The following TMEM114 variants were observed in gnomAD, a reference collection of about 807,000 sequenced individuals.
The protein encoded by TMEM114 is claudin-26.
A neutral mutation model predicts 6.2 loss-of-function variants in TMEM114; 6 were observed. That is an observed-to-expected ratio of 0.97 (90% CI 0.53 to 1.91). The LOEUF is 1.91. Among genes scored for constraint, TMEM114 ranks in the 40% most tolerant of loss-of-function variants. The pLI is 0.01. For missense variants in TMEM114, 218 were observed against 158.3 expected (o/e 1.38, Z -2.02); for synonymous variants, 104 against 73.0 (o/e 1.42, Z -2.16).
At position 8,569,528 on chromosome 16, in the gene TMEM114, G is replaced by A. The variant is rs1414084398; in HGVS notation, c.*245C>T. 3.6e-6 allele frequency: 5 copies of A among 1,388,008 alleles called. No homozygotes were observed. The highest frequency in any genetic ancestry group is 1.7e-5 in the South Asian group (1 of 57,582). 86.0% of individuals were successfully genotyped at this position (1,388,008 alleles called of 1,614,324 possible). ...GATTAAAGGATCGTTTTTATTTCTC[G>A]CGAAGCGGTTTGGCACTCCCTCGGG... On this transcript the variant is annotated 3_prime_UTR_variant, in exon 4 of 4. Coordinates refer to ENST00000620492, the MANE Select transcript of TMEM114 (RefSeq NM_001146336.2).
the TMEM114 span, among the ~76,000 whole-genome samples, chr16:8,529,483 G>C: frequency 6.6e-6 from 1 of 152,278 alleles, no homozygotes; most frequent in African/African-American, 2.4e-5. Flanking sequence ...AGTGGACAGG[G>C]AGTGTTTCTA....
Position 8,589,631 on chromosome 16 carries a change from G to T in TMEM114, c.208C>A (p.Arg70=), listed in dbSNP as rs1393417698. 7 of 398,390 alleles carry T rather than the reference G, an allele frequency of 1.8e-5. No individual in the cohort carries two copies. The highest frequency in any genetic ancestry group is 2.7e-5 in the Non-Finnish European group (6 of 226,000). 24.7% of individuals were successfully genotyped at this position (398,390 alleles called of 1,614,324 possible). ...EPLSSHSGLW[R]TCRVQSPCTP... is the part of the protein sequence containing the mutation. ...GGTGCACCCTTACCCCGGCAGGTCC[G>T]CCAGAGGCCGGAGTGGGAGCTCAGA... The change falls in exon 1 of 4, where the codon CGG becomes AGG. Residue 70 remains arginine, a synonymous_variant. Transcript: ENST00000620492.
At chr16:8,566,369 G>A (rs12921159), downstream of TMEM114, among the ~76,000 whole-genome samples, 8 of 140,136 alleles carry the variant, frequency 5.7e-5, no homozygotes, top group Non-Finnish European at 9.3e-5. Context: ...AGAGCTAGAC[G>A]CAGTCTCAAA....
At chr16:8,550,614 G>A (rs960342824) in intron 2 of TMEM114, among the ~76,000 whole-genome samples, 1 of 151,134 alleles carries the variant, frequency 6.6e-6, no homozygotes, top group Non-Finnish European at 1.5e-5. Context: ...GGAGGCAGAG[G>A]TTGCAGTGAG....
chr16:8,575,785 A>G (rs564408258), intron 2 of TMEM114, among the ~76,000 whole-genome samples: 3 of 152,338 alleles, frequency 2.0e-5, no homozygotes, highest in East Asian at 1.9e-4. Flanking sequence ...ACAAGTGTTC[A>G]TTGTTATTGT....
intron 2 of TMEM114, among the ~76,000 whole-genome samples, chr16:8,547,608 G>C (rs1233365801): frequency 2.0e-5 from 3 of 152,008 alleles, no homozygotes; most frequent in Admixed American, 6.6e-5. Flanking sequence ...GGCCAGACTG[G>C]TCTTGAACTC....
At chr16:8,566,317 G>A (rs12921018), downstream of TMEM114, among the ~76,000 whole-genome samples, 7 of 149,798 alleles carry the variant, frequency 4.7e-5, no homozygotes, top group Non-Finnish European at 1.0e-4. Flanking sequence ...GCAGAGGTTG[G>A]AGTGAGCCGA....
At chr16:8,539,973 A>G (rs1360180914) in intron 2 of TMEM114, among the ~76,000 whole-genome samples, 2 of 151,958 alleles carry the variant, frequency 1.3e-5, no homozygotes, top group African/African-American at 2.4e-5. Flanking sequence ...ACATGCCACC[A>G]TGCCTGGCTG....
At chr16:8,547,813 T>C (rs1356089132) in intron 2 of TMEM114, among the ~76,000 whole-genome samples, 2 of 152,068 alleles carry the variant, frequency 1.3e-5, no homozygotes, top group Non-Finnish European at 2.9e-5. Flanking sequence ...GTTATTTAAT[T>C]ACCATGAGAG....
chr16:8,560,934 A>G (rs1454356784), intron 2 of TMEM114, among the ~76,000 whole-genome samples: 4 of 152,196 alleles, frequency 2.6e-5, no homozygotes, highest in Admixed American at 2.0e-4. Flanking sequence ...AGGCCTCACA[A>G]TCATGGCAGA....
At chr16:8,556,182 C>T (rs1476141936) in intron 2 of TMEM114, among the ~76,000 whole-genome samples, 1 of 152,102 alleles carries the variant, frequency 6.6e-6, no homozygotes, top group African/African-American at 2.4e-5. Flanking sequence ...TTCTCTCCTT[C>T]CCGCCAGCTC....
chr16:8,538,653 G>C (rs1304438955), intron 2 of TMEM114, among the ~76,000 whole-genome samples: 1 of 151,998 alleles, frequency 6.6e-6, no homozygotes, highest in East Asian at 1.9e-4. Context: ...GACTACAGGC[G>C]CCCGCCACCA....
intron 2 of TMEM114, among the ~76,000 whole-genome samples, chr16:8,585,528 G>T (rs555057991): frequency 5.4e-4 from 82 of 152,070 alleles, no homozygotes; most frequent in African/African-American, 1.9e-3. Flanking sequence ...TCTCCTCTAT[G>T]GCCTCTGCAG....
chr16:8,544,005 G>T (rs1256688424), intron 2 of TMEM114, among the ~76,000 whole-genome samples: 1 of 152,114 alleles, frequency 6.6e-6, no homozygotes, highest in African/African-American at 2.4e-5. Flanking sequence ...TTTTTGCCTA[G>T]ACTGCCAGGA....
intron 2 of TMEM114, among the ~76,000 whole-genome samples, chr16:8,563,189 GTGAATGAA>G (rs1421101753): frequency 2.8e-4 from 43 of 151,540 alleles, no homozygotes; most frequent in Non-Finnish European, 4.0e-4. Context: ...GAGTGAATGA[GTGAATGAA>G]TGAGTGAATG....
downstream of TMEM114, among the ~76,000 whole-genome samples, chr16:8,536,266 TC>T (rs1252802030): frequency 1.3e-5 from 2 of 151,876 alleles, no homozygotes; most frequent in East Asian, 3.9e-4. Context: ...ACATCCTGAA[TC>T]CCAACTCTTT....
At chr16:8,530,787 G>A in the TMEM114 span, among the ~76,000 whole-genome samples, 354 of 152,234 alleles carry the variant, frequency 2.3e-3, 2 homozygotes, top group African/African-American at 8.2e-3. Flanking sequence ...ACTTTGGGAG[G>A]CCGAGTCAGA....
At chr16:8,533,963 G>A (rs536875280), downstream of TMEM114, among the ~76,000 whole-genome samples, 1 of 152,262 alleles carries the variant, frequency 6.6e-6, no homozygotes, top group Non-Finnish European at 1.5e-5. Context: ...ATCTGACCAC[G>A]AAAGGCAACC....
intron 2 of TMEM114, among the ~76,000 whole-genome samples, chr16:8,580,175 T>G (rs879290215): frequency 6.6e-6 from 1 of 151,978 alleles, no homozygotes; most frequent in Non-Finnish European, 1.5e-5. Flanking sequence ...CATCAACACA[T>G]GATAACATTC....
Sources: gnomAD v4.1 joint callset for allele counts (sites outside exome capture counted in the v4.1 genomes callset) on GRCh38, gnomAD v4.1.1 for gene constraint, MANE v1.5 for transcripts, NCBI Gene and HGNC (gene_info 2026-07-23, HGNC 2026-07-21) for gene names.